SIK3: variants seen among roughly 807,000 people sequenced by gnomAD.
SIK3 encodes SIK family kinase 3, also known as serine/threonine-protein kinase SIK3.
In SIK3, 28 loss-of-function variants were observed where a neutral mutation model predicts 144.2. That is an observed-to-expected ratio of 0.19 (90% confidence interval 0.14 to 0.27). SIK3 has a LOEUF of 0.27. Among genes scored for constraint, SIK3 ranks in the 10% least tolerant of loss-of-function variants. The pLI, the probability that SIK3 is intolerant of heterozygous loss-of-function variation, is 1.00. For synonymous variants in SIK3, 686 were observed against 676.3 expected, an observed-to-expected ratio of 1.01 and a Z score of -0.22; for missense variants, 1,319 against 1,776.0, an observed-to-expected ratio of 0.74 and a Z score of 4.62.
chr11:116,939,291 G>C (rs886095783), intron 3 of SIK3, among the ~76,000 whole-genome samples: 4 of 152,164 alleles, frequency 2.6e-5, no homozygotes, highest in African/African-American at 9.7e-5. Flanking sequence ...GGGACTACAG[G>C]TGTGCATCAC....
chr11:117,082,289 A>C (rs1954823650), intron 1 of SIK3, among the ~76,000 whole-genome samples: 2 of 152,208 alleles, frequency 1.3e-5, no homozygotes, highest in South Asian at 4.1e-4. Flanking sequence ...GTATATGCCC[A>C]AGAAAAAAAT....
chr11:117,087,822 G>C (rs1955080555), intron 1 of SIK3, among the ~76,000 whole-genome samples: 1 of 152,132 alleles, frequency 6.6e-6, no homozygotes, highest in Non-Finnish European at 1.5e-5. Context: ...AAAATCAGAA[G>C]TACATCAAAG....
intron 1 of SIK3, among the ~76,000 whole-genome samples, chr11:117,026,274 C>A (rs534831357): frequency 6.6e-6 from 1 of 152,298 alleles, no homozygotes; most frequent in Non-Finnish European, 1.5e-5. Context: ...ACAGACCATA[C>A]CACATAGCCC....
chr11:117,006,434 A>G (rs1315068383), intron 1 of SIK3, among the ~76,000 whole-genome samples: 1 of 151,064 alleles, frequency 6.6e-6, no homozygotes, highest in Non-Finnish European at 1.5e-5. Flanking sequence ...AGACTACTCA[A>G]AACAAAGGAT....
At chr11:116,997,033 A>T (rs1305121579) in intron 1 of SIK3, among the ~76,000 whole-genome samples, 1 of 152,138 alleles carries the variant, frequency 6.6e-6, no homozygotes, top group Non-Finnish European at 1.5e-5. Context: ...CCCATTATCA[A>T]AAAAGAATTC....
At chr11:116,923,783 A>T (rs1947131979) in intron 4 of SIK3, among the ~76,000 whole-genome samples, 1 of 152,240 alleles carries the variant, frequency 6.6e-6, no homozygotes, top group Non-Finnish European at 1.5e-5. Context: ...GCTGGCTGCC[A>T]GCACCCCGGA....
intron 3 of SIK3, among the ~76,000 whole-genome samples, chr11:116,944,018 G>T (rs1368279157): frequency 2.0e-5 from 3 of 151,832 alleles, no homozygotes; most frequent in Admixed American, 2.0e-4. Flanking sequence ...ATGAGATAGG[G>T]TACCTTCTTT....
chr11:117,060,145 G>T (rs1468412391), intron 1 of SIK3, among the ~76,000 whole-genome samples: 5 of 152,242 alleles, frequency 3.3e-5, no homozygotes, highest in African/African-American at 1.2e-4. Flanking sequence ...TGGAAATCCA[G>T]ACAATGGAAT....
chr11:116,969,035 A>C (rs1280382555), intron 1 of SIK3, among the ~76,000 whole-genome samples: 1 of 152,178 alleles, frequency 6.6e-6, no homozygotes, highest in Non-Finnish European at 1.5e-5. Flanking sequence ...TCATGCCTGT[A>C]ATCCCAGCAT....
intron 1 of SIK3, among the ~76,000 whole-genome samples, chr11:116,962,717 A>C (rs1949391658): frequency 6.6e-6 from 1 of 152,198 alleles, no homozygotes; most frequent in Non-Finnish European, 1.5e-5. Flanking sequence ...ACGTGTAACT[A>C]TCCAGACTGA....
chr11:116,860,231 G>GA (rs1323817486), intron 19 of SIK3, among the ~76,000 whole-genome samples: 17 of 150,476 alleles, frequency 1.1e-4, no homozygotes, highest in Non-Finnish European at 2.1e-4. Context: ...GTGACAGGGG[G>GA]AGACTCCATC....
intron 1 of SIK3, among the ~76,000 whole-genome samples, chr11:117,017,274 G>GAAGAAGAAA (rs1951579348): frequency 6.6e-6 from 1 of 151,996 alleles, no homozygotes; most frequent in Non-Finnish European, 1.5e-5. Flanking sequence ...TAATAAATAA[G>GAAGAAGAAA]AAGAAGAAAA....
In SIK3 at chr11:117,098,255, G is replaced by T; in HGVS notation, c.161C>A (p.Ala54Asp). 2 of 1,440,986 alleles carry T rather than the reference G, an allele frequency of 1.4e-6. No homozygotes were observed. The highest frequency in any genetic ancestry group is 9.2e-7 in the Non-Finnish European group (1 of 1,091,092). 89.3% of individuals were successfully genotyped at this position (1,440,986 alleles called of 1,614,324 possible). Residue 54 changes from alanine (A) to aspartate (D), a missense_variant, in exon 1 of 25, where the codon GCC becomes GAC. Transcript: ENST00000445177. ...ACGGGCGGGCATGGGTCCGCGGGAG[G>T]CCGGGGCTGGGGGACGCGGCTGGCC... Reference protein sequence around the residue: ...AAGQPRPPAPASRGPMPARIG... With the variant: ...AAGQPRPPAPDSRGPMPARIG...
At chr11:117,085,484 C>A (rs536422269) in intron 1 of SIK3, among the ~76,000 whole-genome samples, 323 of 152,070 alleles carry the variant, frequency 2.1e-3, no homozygotes, top group Middle Eastern at 6.8e-3. Flanking sequence ...GAGATACATG[C>A]CAAAATATCT....
rs78602241 is a variant in SIK3, at chr11:117,023,179, G to A, written c.274-66115C>T. On this transcript the variant is annotated intron_variant, in intron 1 of 24. Transcript: ENST00000445177. Reference sequence around the variant, plus strand: ...TAGCAGTTGTTGAGGCCCAGAAACCGATACCTCAAAATATGGCACTTTGAC... The same window carrying A: ...TAGCAGTTGTTGAGGCCCAGAAACCAATACCTCAAAATATGGCACTTTGAC... 1.9e-4 allele frequency among the ~76,000 whole-genome samples: 29 copies of A among 152,130 alleles called. No individual in the cohort carries two copies. In the East Asian group the frequency reaches 3.1e-3, roughly 16 times the overall value.
Position 116,874,037 on chromosome 11 carries a change from G to C in SIK3, c.1447C>G (p.Leu483Val). The C allele has an allele frequency of 6.2e-7, 1 of 1,613,904 alleles. No individual in the cohort carries two copies. The highest frequency in any genetic ancestry group is 8.5e-7 in the Non-Finnish European group (1 of 1,179,934). ...ADPRTEVMED[L>V]QKLLPGFPGV... ...GGAAAGCCAGGTAGGAGCTTCTGCA[G>C]ATCTTCCATAACTTCCGTGCTGATA... The change falls in exon 12 of 25, where the codon CTG becomes GTG. Residue 483 changes from leucine (L) to valine (V), a missense_variant. Transcript: ENST00000445177.
chr11:116,954,903 A>G (rs897130469), intron 2 of SIK3, among the ~76,000 whole-genome samples: 4 of 152,246 alleles, frequency 2.6e-5, no homozygotes, highest in Non-Finnish European at 5.9e-5. Context: ...AGTGCTGTCC[A>G]ATAGAAATAT....
chr11:116,998,844 A>G (rs12574810), intron 1 of SIK3, among the ~76,000 whole-genome samples: 6,012 of 152,308 alleles, frequency 0.039, 205 homozygotes, highest in East Asian at 0.2. Context: ...TTTGTTTACT[A>G]TAAGTATGAA....
chr11:117,005,764 A>G (rs1951022940), intron 1 of SIK3, among the ~76,000 whole-genome samples: 1 of 152,242 alleles, frequency 6.6e-6, no homozygotes, highest in Admixed American at 6.5e-5. Context: ...TAATAGTTAT[A>G]TAAGCAGCAA....
Sources: allele counts gnomAD v4.1 joint callset (sites outside exome capture counted in the v4.1 genomes callset), GRCh38; gene constraint gnomAD v4.1.1; transcripts MANE v1.5; gene names NCBI Gene and HGNC (gene_info 2026-07-23, HGNC 2026-07-21).